SDK1: variants seen among roughly 807,000 people sequenced by gnomAD.
The protein encoded by SDK1 is protein sidekick-1.
SDK1 carries 157 observed loss-of-function variants against 245.5 expected under a neutral mutation model. The observed-to-expected ratio is 0.64, with a 90% CI of 0.56 to 0.73. SDK1 has a LOEUF of 0.73. Among genes scored for constraint, SDK1 ranks in the 30% least tolerant of loss-of-function variants. The pLI is 0.00. For synonymous variants in SDK1, 1,647 were observed against 1,278.5 expected, an observed-to-expected ratio of 1.29 and a Z score of -6.15; for missense variants, 3,583 against 3,002.3, an observed-to-expected ratio of 1.19 and a Z score of -4.52.
At chr7:4,160,946 C>T (rs777812824) in intron 31 of SDK1, among the ~76,000 whole-genome samples, 22 of 152,214 alleles carry the variant, frequency 1.4e-4, no homozygotes, top group Non-Finnish European at 2.8e-4. Flanking sequence ...GGAGAGGCAT[C>T]TGCTAGATGC....
intron 4 of SDK1, chr7:3,643,658 C>T (rs1450870702): frequency 3.1e-4 from 43 of 137,300 alleles, no homozygotes; most frequent in African/African-American, 1.2e-3. Flanking sequence ...TTCTCCCATC[C>T]CCACCTGAGC....
intron 1 of SDK1, among the ~76,000 whole-genome samples, chr7:3,565,181 C>G (rs1779871430): frequency 1.3e-5 from 2 of 151,964 alleles, no homozygotes; most frequent in Admixed American, 6.6e-5. Flanking sequence ...ACACATCTCT[C>G]CAGTCTTGCT....
rs958604521 is a variant in SDK1 at position 3,432,447 on chromosome 7, G to A, written c.298+130563G>A. ...TTCCTAGATGTGAATTCTCCAGGGG[G>A]CAAAATATCCTAAAAGCTAACATGT... On this transcript the variant is annotated intron_variant, in intron 1 of 44. Transcript: ENST00000404826. Among the ~76,000 whole-genome samples, 5 of 152,140 alleles carry A rather than the reference G, an allele frequency of 3.3e-5. No homozygotes were observed. The South Asian group carries it at 6.2e-4, about 19-fold the overall frequency.
At chr7:3,446,019 A>G (rs1343965397) in intron 1 of SDK1, among the ~76,000 whole-genome samples, 1 of 151,988 alleles carries the variant, frequency 6.6e-6, no homozygotes, top group African/African-American at 2.4e-5. Flanking sequence ...ATTTTGCTGG[A>G]TATAGAATTT....
intron 4 of SDK1, among the ~76,000 whole-genome samples, chr7:3,654,663 A>G (rs995551606): frequency 6.6e-6 from 1 of 152,166 alleles, no homozygotes; most frequent in African/African-American, 2.4e-5. Flanking sequence ...CTGCTGCTTC[A>G]GGAGAAAGGG....
At chr7:3,465,863 C>T (rs548118838) in intron 1 of SDK1, among the ~76,000 whole-genome samples, 24 of 152,106 alleles carry the variant, frequency 1.6e-4, no homozygotes, top group African/African-American at 5.8e-4. Context: ...GCCATAGGGA[C>T]GTGCAGAGGA....
At chr7:4,154,694 A>C (rs908650785) in intron 30 of SDK1, among the ~76,000 whole-genome samples, 1 of 152,162 alleles carries the variant, frequency 6.6e-6, no homozygotes, top group Non-Finnish European at 1.5e-5. Flanking sequence ...CGGTGCTGCT[A>C]TCTCCATGTC....
intron 38 of SDK1, among the ~76,000 whole-genome samples, chr7:4,213,958 G>A (rs924456571): frequency 1.3e-5 from 2 of 152,160 alleles, no homozygotes; most frequent in Non-Finnish European, 2.9e-5. Context: ...ACAGTGATAG[G>A]TGATGTTTGT....
At chr7:4,188,699 GA>G (rs909176179) in intron 35 of SDK1, among the ~76,000 whole-genome samples, 42 of 146,886 alleles carry the variant, frequency 2.9e-4, no homozygotes, top group East Asian at 2.4e-3. Context: ...AAGAAAGAAA[GA>G]AAAAAAAAAC....
intron 1 of SDK1, among the ~76,000 whole-genome samples, chr7:3,577,871 C>CCGTA (rs910439245): frequency 2.0e-5 from 3 of 151,986 alleles, no homozygotes; most frequent in African/African-American, 7.2e-5. Context: ...CCTGTCATGT[C>CCGTA]CGTACGCCTT....
At chr7:3,607,398 A>G (rs1488047072) in intron 1 of SDK1, among the ~76,000 whole-genome samples, 1 of 152,200 alleles carries the variant, frequency 6.6e-6, no homozygotes, top group Non-Finnish European at 1.5e-5. Context: ...AGTAAAACCG[A>G]CTATACTATA....
chr7:3,443,901 C>G (rs904408781), intron 1 of SDK1, among the ~76,000 whole-genome samples: 2 of 152,188 alleles, frequency 1.3e-5, no homozygotes, highest in Non-Finnish European at 2.9e-5. Flanking sequence ...AACATGATGT[C>G]AATATGACTG....
At chr7:3,489,369 G>T (rs893049725) in intron 1 of SDK1, among the ~76,000 whole-genome samples, 1 of 152,150 alleles carries the variant, frequency 6.6e-6, no homozygotes, top group Non-Finnish European at 1.5e-5. Context: ...AAATTTTCCG[G>T]TGATTTTTGT....
Position 3,511,345 on chromosome 7 carries a change from T to A in SDK1, c.299-107735T>A, listed in dbSNP as rs577724914. Among the ~76,000 whole-genome samples the A allele has an allele frequency of 9.2e-4, 140 of 152,320 alleles. 1 individual carries two copies. The highest frequency in any genetic ancestry group is 3.2e-3 in the African/African-American group (133 of 41,576). On this transcript the variant is annotated intron_variant, in intron 1 of 44. Transcript: ENST00000404826. ...CGTGTGTTGAGATTTTGCATTTGAT[T>A]TCAGTGCTAAAGATTTTAGATAAAG...
chr7:4,237,086 C>T (rs970548818), intron 41 of SDK1, among the ~76,000 whole-genome samples: 1 of 152,040 alleles, frequency 6.6e-6, no homozygotes, highest in African/African-American at 2.4e-5. Context: ...AGAAAGGGGT[C>T]TTGCTATGTT....
chr7:3,501,068 T>C (rs553417521), intron 1 of SDK1, among the ~76,000 whole-genome samples: 1 of 152,344 alleles, frequency 6.6e-6, no homozygotes, highest in South Asian at 2.1e-4. Flanking sequence ...TTTTCTTAGA[T>C]GACTGTTCAT....
chr7:4,180,179 AGCTCCAGCTCTATGCCCAGCGCCCG>A (rs1782507369), intron 35 of SDK1, among the ~76,000 whole-genome samples: 6 of 146,648 alleles, frequency 4.1e-5, no homozygotes, highest in South Asian at 4.4e-4. Flanking sequence ...CCCAGCGCCC[AGCTCCAGCTCTATGCCCAGCGCCCG>A]GCTCCAGCTC....
At chr7:3,364,830 T>C (rs1287917548) in intron 1 of SDK1, among the ~76,000 whole-genome samples, 1 of 152,226 alleles carries the variant, frequency 6.6e-6, no homozygotes, top group African/African-American at 2.4e-5. Context: ...GCTGTGATTT[T>C]GATAGGAATT....
At chr7:3,364,355 C>T (rs959938216) in intron 1 of SDK1, among the ~76,000 whole-genome samples, 1 of 152,090 alleles carries the variant, frequency 6.6e-6, no homozygotes, top group African/African-American at 2.4e-5. Flanking sequence ...AAGAATTCTG[C>T]CTAGACTTGG....
Sources: allele counts gnomAD v4.1 joint callset (sites outside exome capture counted in the v4.1 genomes callset), GRCh38; gene constraint gnomAD v4.1.1; transcripts MANE v1.5; gene names NCBI Gene and HGNC (gene_info 2026-07-23, HGNC 2026-07-21).